The following ZNF114 variants were observed in gnomAD, a reference collection of about 807,000 sequenced individuals.
ZNF114 encodes the protein zinc finger protein 114, also known as zinc finger protein 114 (Y18).
Under a neutral mutation model 6.8 loss-of-function variants are expected in ZNF114, and 8 were observed. The ratio of observed to expected loss-of-function variants is 1.18; its 90% CI spans 0.69 to 2.13. The LOEUF is 2.13. Among genes scored for constraint, ZNF114 ranks in the 30% most tolerant of loss-of-function variants. The pLI, the probability that ZNF114 is intolerant of heterozygous loss-of-function variation, is 0.00. For synonymous variants in ZNF114, 169 were observed against 185.5 expected (o/e 0.91, Z 0.72); for missense variants, 472 against 519.5 (o/e 0.91, Z 0.89).
intron 3 of ZNF114, among the ~76,000 whole-genome samples, chr19:48,279,263 G>A (rs1425209584): frequency 6.7e-6 from 1 of 149,538 alleles, no homozygotes; most frequent in African/African-American, 2.5e-5. Context: ...GGAGGCATGG[G>A]GGCCCATGCC....
At chr19:48,277,821 G>GTGTGTGTGTT (rs1236454519) in intron 3 of ZNF114, among the ~76,000 whole-genome samples, 1 of 151,426 alleles carries the variant, frequency 6.6e-6, no homozygotes, top group Non-Finnish European at 1.5e-5. Flanking sequence ...GTGTGTGTGT[G>GTGTGTGTGTT]TGTGTGTGTG....
intron 3 of ZNF114, among the ~76,000 whole-genome samples, chr19:48,276,527 A>AT (rs947399828): frequency 2.4e-4 from 37 of 151,380 alleles, no homozygotes; most frequent in Middle Eastern, 3.4e-3. Flanking sequence ...CAAAATGATG[A>AT]TTTTTTTTTG....
chr19:48,285,616 AAAG>A, intron 5 of ZNF114, 142 bp from the exon 6 acceptor site: 1 of 895,036 alleles, frequency 1.1e-6, no homozygotes, highest in East Asian at 2.8e-5. Context: ...AGGAAGGAAG[AAAG>A]AAAGGATGGA....
intron 5 of ZNF114, among the ~76,000 whole-genome samples, chr19:48,283,102 G>A (rs893436813): frequency 6.6e-6 from 1 of 152,076 alleles, no homozygotes; most frequent in Admixed American, 6.6e-5. Flanking sequence ...TGCAACTTCC[G>A]CCTCCTGGGC....
chr19:48,284,979 A>G lies in ZNF114; in HGVS notation c.137-782A>G, dbSNP rs564865059. Reference sequence around the variant, plus strand: ...CATCTCAAAAAAATAAAAATTTCACATGGACTCTCTGTCCAATTCTCTTCC... The same window carrying G: ...CATCTCAAAAAAATAAAAATTTCACGTGGACTCTCTGTCCAATTCTCTTCC... On this transcript the variant is annotated intron_variant, in intron 5 of 5. Coordinates refer to ENST00000595607, the MANE Select transcript of ZNF114 (RefSeq NM_153608.4). Among the ~76,000 whole-genome samples, 3 of 152,144 alleles carry G rather than the reference A, an allele frequency of 2.0e-5. No individual in the cohort carries two copies. In the East Asian group the frequency reaches 5.8e-4, roughly 30 times the overall value.
intron 1 of ZNF114, among the ~76,000 whole-genome samples, chr19:48,270,448 G>T (rs1396042386): frequency 6.9e-6 from 1 of 143,946 alleles, no homozygotes; most frequent in East Asian, 2.0e-4. Flanking sequence ...AAGGAAGGAA[G>T]GGAGGGAGGG....
chr19:48,282,350 A>G, intron 4 of ZNF114, 21 bp from the exon 5 acceptor site: 1 of 1,611,260 alleles, frequency 6.2e-7, no homozygotes, highest in South Asian at 1.1e-5. Flanking sequence ...CCTCCGAGCC[A>G]AACTGCATGT....
Position 48,285,647 on chromosome 19 carries a change from GGAAA to G in ZNF114, c.137-95_137-92del, listed in dbSNP as rs140236127. ...AGGATGGAAGGAGCGAGGGAGGGAG[GGAAA>G]GAAAGAAAGAAAGAAAGAGAGAAAT... On this transcript the variant is annotated intron_variant, in intron 5 of 5. Coordinates refer to ENST00000595607, the MANE Select transcript of ZNF114 (RefSeq NM_153608.4). The G allele has an allele frequency of 3.2e-3, 3,784 of 1,182,186 alleles. 29 individuals carry two copies. Among genetic ancestry groups the G allele is most frequent in the African/African-American group, 0.026 (1,668 of 63,322 alleles). The allele number at this position is 1,182,186 out of a possible 1,614,324, so 73.2% of individuals were successfully genotyped here. A position where few individuals can be genotyped will look rare whatever the true frequency, so the allele number is the denominator to read the frequency against.
In ZNF114 at chr19:48,270,590, AAG is replaced by A. The variant is rs1439396172; in HGVS notation, c.-377+375_-377+376del. Among the ~76,000 whole-genome samples the A allele has an allele frequency of 6.0e-5, 9 of 148,786 alleles. 1 individual carries two copies. The highest frequency in any genetic ancestry group is 4.4e-4 in the South Asian group (2 of 4,582). ...AGAAAAAAGAAAGAAGAAAGAAAGA[AAG>A]AGAAGAAAGAAGGGAGGGAGGAAGG... is the stretch of plus-strand genomic sequence containing the variant. On this transcript the variant is annotated intron_variant, in intron 1 of 5. Transcript: ENST00000595607.
Position 48,285,371 on chromosome 19 carries a change from A to G in ZNF114, c.137-390A>G, listed in dbSNP as rs182652774. Reference sequence around the variant, plus strand: ...AAATTAGCCAGGCATGGTGGCACGCACCTGTAATCTCAGCTACTCAGGAAG... The same window carrying G: ...AAATTAGCCAGGCATGGTGGCACGCGCCTGTAATCTCAGCTACTCAGGAAG... On this transcript the variant is annotated intron_variant, in intron 5 of 5. Coordinates refer to ENST00000595607, the MANE Select transcript of ZNF114 (RefSeq NM_153608.4). 1.9e-3 allele frequency among the ~76,000 whole-genome samples: 286 copies of G among 152,110 alleles called. 4 individuals are homozygous for G. Among genetic ancestry groups the G allele is most frequent in the Non-Finnish European group, 9.9e-4 (67 of 67,972 alleles).
rs1175254761 is a variant in ZNF114 at position 48,287,355 on chromosome 19, G to C, written c.*477G>C. ...CTAAAAATACAAAAAAAATTAGCCA[G>C]GCGTGGTGGCAGGTGCCTGTAGTCC... On this transcript the variant is annotated 3_prime_UTR_variant, in exon 6 of 6. Coordinates refer to ENST00000595607, the MANE Select transcript of ZNF114 (RefSeq NM_153608.4). 2 of 152,432 alleles carry C rather than the reference G, an allele frequency of 1.3e-5. No individual in the cohort carries two copies. Among genetic ancestry groups the C allele is most frequent in the South Asian group, 2.1e-4 (1 of 4,830 alleles). The allele number at this position is 152,432 out of a possible 1,614,324, so 9.4% of individuals were successfully genotyped here.
intron 5 of ZNF114, among the ~76,000 whole-genome samples, chr19:48,283,662 A>T (rs1207978343): frequency 6.6e-6 from 1 of 152,004 alleles, no homozygotes; most frequent in African/African-American, 2.4e-5. Context: ...AAGTTGCATG[A>T]TTACATGGTG....
chr19:48,282,274 T>C, intron 4 of ZNF114, 97 bp from the exon 5 acceptor site: 1 of 1,538,302 alleles, frequency 6.5e-7, no homozygotes, highest in South Asian at 1.2e-5. Flanking sequence ...GTACCAAGGG[T>C]TAAGACCTCA....
In ZNF114 at chr19:48,282,280, C is replaced by A. The variant is rs1968012712; in HGVS notation, c.10-91C>A. On this transcript the variant is annotated intron_variant, in intron 4 of 5. Transcript: ENST00000595607. ...CCTTTGCAGGTACCAAGGGTTAAGACCTCAACCTACCTTTTTCTGTGGAGA... is the reference window on the plus strand; with the variant it reads ...CCTTTGCAGGTACCAAGGGTTAAGAACTCAACCTACCTTTTTCTGTGGAGA... 9 of 1,555,944 alleles carry A rather than the reference C, an allele frequency of 5.8e-6. No individual in the cohort carries two copies. In the Admixed American group the frequency reaches 1.7e-4, roughly 29 times the overall value.
chr19:48,276,698 A>G (rs1895685672), intron 3 of ZNF114, among the ~76,000 whole-genome samples: 1 of 152,004 alleles, frequency 6.6e-6, no homozygotes, highest in South Asian at 2.1e-4. Flanking sequence ...TAATTTTTAA[A>G]TTTTTTGTAG....
chr19:48,282,339 C>T (rs1205774403), intron 4 of ZNF114, 32 bp from the exon 5 acceptor site: 1 of 1,609,648 alleles, frequency 6.2e-7, no homozygotes, highest in Non-Finnish European at 8.5e-7. Context: ...AACAGGACAC[C>T]CCTCCGAGCC....
rs555329855 is a variant in ZNF114, at chr19:48,280,458, G to C, written c.9+650G>C. 2.5e-3 allele frequency among the ~76,000 whole-genome samples: 375 copies of C among 152,176 alleles called. 2 individuals are homozygous for C. The highest frequency in any genetic ancestry group is 4.0e-3 in the Non-Finnish European group (269 of 68,018). ...CTCAGGGTCTCACAGGGGACACTAG[G>C]CGTTTATGGAGCGGGCAGTGGCAGC... On this transcript the variant is annotated intron_variant, in intron 4 of 5. Transcript: ENST00000595607.
At position 48,286,693 on chromosome 19, in the gene ZNF114, C is replaced by A. The variant is rs1977315432; in HGVS notation, c.1069C>A (p.Gln357Lys). ...LNKHLRKHVVQKKPYECEECG... is the reference protein window; with the variant it reads ...LNKHLRKHVVKKKPYECEECG... The stretch of plus-strand genomic sequence containing the variant: ...TAAACATTTAAGAAAGCATGTTGTG[C>A]AGAAGAAGCCCTACGAATGTGAAGA... Residue 357 changes from glutamine to lysine, a missense_variant, in exon 6 of 6, where the codon CAG becomes AAG. Gln to Lys is a moderately conservative substitution (Grantham distance 53). Coordinates refer to ENST00000595607, the MANE Select transcript of ZNF114 (RefSeq NM_153608.4). The A allele has an allele frequency of 6.2e-7, 1 of 1,612,580 alleles. No individual in the cohort carries two copies. Among genetic ancestry groups the A allele is most frequent in the Non-Finnish European group, 8.5e-7 (1 of 1,179,704 alleles).
At chr19:48,273,956 A>G (rs185621919) in intron 3 of ZNF114, among the ~76,000 whole-genome samples, 5 of 151,400 alleles carry the variant, frequency 3.3e-5, no homozygotes, top group Admixed American at 1.3e-4. Flanking sequence ...ACGGGGTTTC[A>G]CCGTGTTAGC....
Sources: allele counts gnomAD v4.1 joint callset (sites outside exome capture counted in the v4.1 genomes callset), GRCh38; gene constraint gnomAD v4.1.1; transcripts MANE v1.5; gene names NCBI Gene and HGNC (gene_info 2026-07-23, HGNC 2026-07-21).